SNTG1: variants seen among roughly 807,000 people sequenced by gnomAD.
SNTG1 encodes the protein gamma-1-syntrophin.
Under a neutral mutation model 74.7 loss-of-function variants are expected in SNTG1, and 39 were observed. The ratio of observed to expected loss-of-function variants is 0.52; its 90% confidence interval spans 0.40 to 0.68. The LOEUF is 0.68. SNTG1 is among the 30% of genes least tolerant of loss of function. The pLI is 0.00. For missense variants in SNTG1, 685 were observed against 609.5 expected, an observed-to-expected ratio of 1.12 and a Z score of -1.30; for synonymous variants, 254 against 217.1, an observed-to-expected ratio of 1.17 and a Z score of -1.49.
intron 2 of SNTG1, among the ~76,000 whole-genome samples, chr8:50,343,904 T>A (rs1157651161): frequency 1.3e-5 from 2 of 152,214 alleles, no homozygotes; most frequent in African/African-American, 2.4e-5. Flanking sequence ...ACAATAGTGA[T>A]GAATGTGCCT....
chr8:50,655,358 C>T (rs894902661), intron 13 of SNTG1, among the ~76,000 whole-genome samples: 1 of 152,054 alleles, frequency 6.6e-6, no homozygotes, highest in African/African-American at 2.4e-5. Flanking sequence ...ATCAACTATA[C>T]CTGGCCATAT....
intron 2 of SNTG1, among the ~76,000 whole-genome samples, chr8:50,191,002 T>C (rs747131011): frequency 2.2e-4 from 33 of 152,188 alleles, no homozygotes; most frequent in Non-Finnish European, 4.4e-4. Flanking sequence ...TATTATTTTC[T>C]GGATAAGCAC....
chr8:49,986,882 CAAAT>C (rs1045944532), intron 1 of SNTG1, among the ~76,000 whole-genome samples: 2 of 151,914 alleles, frequency 1.3e-5, no homozygotes, highest in South Asian at 2.1e-4. Flanking sequence ...AATAGATAAA[CAAAT>C]AAATAAATAA....
chr8:49,956,083 C>CTATT, intron 1 of SNTG1, among the ~76,000 whole-genome samples: 1 of 152,272 alleles, frequency 6.6e-6, no homozygotes, highest in African/African-American at 2.4e-5. Context: ...ACATCAATTG[C>CTATT]TATTTATTTA....
chr8:50,700,712 C>A (rs1028994007), intron 15 of SNTG1, among the ~76,000 whole-genome samples: 1 of 152,168 alleles, frequency 6.6e-6, no homozygotes, highest in Non-Finnish European at 1.5e-5. Flanking sequence ...GATGATTTAT[C>A]GTTCCTTATT....
intron 1 of SNTG1, among the ~76,000 whole-genome samples, chr8:50,132,862 C>G (rs1160237831): frequency 6.6e-6 from 1 of 152,162 alleles, no homozygotes; most frequent in African/African-American, 2.4e-5. Context: ...CAGATCATTC[C>G]TGGATAACTG....
chr8:50,483,437 C>G (rs1002827967), intron 8 of SNTG1, among the ~76,000 whole-genome samples: 1 of 151,840 alleles, frequency 6.6e-6, no homozygotes, highest in Non-Finnish European at 1.5e-5. Flanking sequence ...TCAAAGAAAC[C>G]ACTGTTTTCT....
At chr8:50,765,938 A>C (rs1034510532) in intron 18 of SNTG1, among the ~76,000 whole-genome samples, 1 of 152,006 alleles carries the variant, frequency 6.6e-6, no homozygotes, top group African/African-American at 2.4e-5. Flanking sequence ...ATGAGTAAAC[A>C]ATACTGAGGA....
chr8:50,375,228 C>G (rs1381591526), intron 2 of SNTG1, among the ~76,000 whole-genome samples: 1 of 152,034 alleles, frequency 6.6e-6, no homozygotes, highest in Non-Finnish European at 1.5e-5. Flanking sequence ...GGACATAGAG[C>G]CTTGAATCTA....
chr8:50,771,052 A>G (rs1179033469), intron 18 of SNTG1, among the ~76,000 whole-genome samples: 2 of 152,114 alleles, frequency 1.3e-5, no homozygotes, highest in Non-Finnish European at 2.9e-5. Context: ...ATGGACTAAG[A>G]AAATTGGCAT....
Position 50,796,631 on chromosome 8 carries a change from A to T in SNTG1, c.*3802A>T, listed in dbSNP as rs779427420. 6.6e-6 allele frequency: 1 copy of T among 152,036 alleles called. No homozygotes were observed. Among genetic ancestry groups the T allele is most frequent in the Non-Finnish European group, 1.5e-5 (1 of 67,942 alleles). 9.4% of individuals were successfully genotyped at this position (152,036 alleles called of 1,614,324 possible). On this transcript the variant is annotated 3_prime_UTR_variant, in exon 19 of 19. Coordinates refer to ENST00000642720, the MANE Select transcript of SNTG1 (RefSeq NM_018967.5). ...CTTTCAGTTCATTAATGTACTACTA[A>T]TGAAACCATACTTTTTTAAATGAAG...
Position 50,262,215 on chromosome 8 carries a change from T to G in SNTG1, c.-28+89580T>G, listed in dbSNP as rs149925004. ...ATGCCATGAAAGCAGTGATTAAATG[T>G]AAATGTATAACATTGAGTGACCATA... On this transcript the variant is annotated intron_variant, in intron 2 of 18. Transcript: ENST00000642720. Among the ~76,000 whole-genome samples, 10 of 152,340 alleles carry G rather than the reference T, an allele frequency of 6.6e-5. No individual in the cohort carries two copies. The East Asian group carries it at 1.9e-3, about 29-fold the overall frequency.
intron 9 of SNTG1, among the ~76,000 whole-genome samples, chr8:50,514,504 T>A (rs2094114759): frequency 6.6e-6 from 1 of 152,180 alleles, no homozygotes; most frequent in Non-Finnish European, 1.5e-5. Context: ...TTTCAAAACT[T>A]CATTGTTTAA....
rs555846720 is a variant in SNTG1, at chr8:50,321,456, G to T, written c.-27-72756G>T. 3.4e-4 allele frequency among the ~76,000 whole-genome samples: 52 copies of T among 152,162 alleles called. No individual in the cohort carries two copies. In the East Asian group the frequency reaches 0.01, roughly 29 times the overall value. On this transcript the variant is annotated intron_variant, in intron 2 of 18. Transcript: ENST00000642720. ...TGAAGTGTGTTTCTTGTAGGCAACA[G>T]ATTATTGGGTCTTCCCTTTTTATTC... is the stretch of plus-strand genomic sequence containing the variant.
At chr8:50,264,166 C>T (rs947969114) in intron 2 of SNTG1, among the ~76,000 whole-genome samples, 5 of 152,062 alleles carry the variant, frequency 3.3e-5, no homozygotes, top group African/African-American at 9.7e-5. Context: ...CCAAAACTTA[C>T]GGGATCCAGA....
chr8:50,008,044 C>T (rs920793818), intron 1 of SNTG1, among the ~76,000 whole-genome samples: 3 of 152,110 alleles, frequency 2.0e-5, no homozygotes, highest in Non-Finnish European at 4.4e-5. Flanking sequence ...ATCACCCCCT[C>T]ACCGGGTCCC....
At chr8:50,255,652 T>A (rs1349171612) in intron 2 of SNTG1, among the ~76,000 whole-genome samples, 1 of 152,194 alleles carries the variant, frequency 6.6e-6, no homozygotes, top group African/African-American at 2.4e-5. Context: ...CATCTTTACA[T>A]CAAGCTCTCC....
At chr8:50,695,423 A>G (rs2095401041) in intron 15 of SNTG1, among the ~76,000 whole-genome samples, 1 of 151,960 alleles carries the variant, frequency 6.6e-6, no homozygotes, top group Non-Finnish European at 1.5e-5. Context: ...AAGCCAAAAT[A>G]TTAATAATTA....
chr8:50,596,206 T>C (rs1234277801), intron 13 of SNTG1, among the ~76,000 whole-genome samples: 1 of 152,046 alleles, frequency 6.6e-6, no homozygotes, highest in South Asian at 2.1e-4. Context: ...AGAATAATGA[T>C]GTTGAGCATC....
Sources: allele counts gnomAD v4.1 joint callset (sites outside exome capture counted in the v4.1 genomes callset), GRCh38; gene constraint gnomAD v4.1.1; transcripts MANE v1.5; gene names NCBI Gene and HGNC (gene_info 2026-07-23, HGNC 2026-07-21).